The following IGFL2 variants were observed in gnomAD, a reference collection of about 807,000 sequenced individuals.
The protein encoded by IGFL2 is IGF like family member 2, also known as insulin growth factor-like family member 2.
In IGFL2, 7 loss-of-function variants were observed where a neutral mutation model predicts 13.9. The observed-to-expected ratio is 0.51, with a 90% CI of 0.29 to 0.95. The LOEUF (loss-of-function observed/expected upper bound fraction) is 0.95, where lower values mean the gene tolerates loss of function less well. Ranked by LOEUF, IGFL2 falls within the 40% of genes least tolerant of loss-of-function variation. The pLI, the probability that IGFL2 is intolerant of heterozygous loss-of-function variation, is 0.08. For synonymous variants in IGFL2, 55 were observed against 55.8 expected (o/e 0.99, Z 0.07); for missense variants, 138 against 147.8 (o/e 0.93, Z 0.34).
upstream of IGFL2, among the ~76,000 whole-genome samples, chr19:46,145,039 T>C (rs755070029): frequency 3.9e-5 from 6 of 152,190 alleles, no homozygotes; most frequent in African/African-American, 1.2e-4. Context: ...TTGATAGATA[T>C]TTGAGTTGTT....
the IGFL2 span, among the ~76,000 whole-genome samples, chr19:46,121,164 G>GC: frequency 2.0e-5 from 3 of 149,886 alleles, no homozygotes; most frequent in Non-Finnish European, 2.9e-5. Flanking sequence ...AATTGCTTGA[G>GC]CTCAGGGGTT....
rs750505405 is a variant in IGFL2, at chr19:46,160,647, C to T, written c.107C>T (p.Pro36Leu). 33 of 1,613,864 alleles carry T rather than the reference C, an allele frequency of 2.0e-5. No individual in the cohort carries two copies. Among genetic ancestry groups the T allele is most frequent in the South Asian group, 1.3e-4 (12 of 91,076 alleles). The change falls in exon 3 of 4, where the codon CCG becomes CTG. Residue 36 changes from proline (P) to leucine (L), a missense_variant. Coordinates refer to ENST00000377693, the MANE Select transcript of IGFL2 (RefSeq NM_001135113.2). ...PAGSEPWLCQ[P>L]APRCGDKIYN... ...GGCTCAGAACCATGGCTGTGCCAGC[C>T]GGCACCCAGGTGTGGAGACAAGATC...
chr19:46,084,607 C>T, the IGFL2 span, among the ~76,000 whole-genome samples: 462 of 152,270 alleles, frequency 3.0e-3, 2 homozygotes, highest in Middle Eastern at 0.01. Context: ...GAGGAGGCCT[C>T]AGGAAGCTTA....
chr19:46,148,176 G>A, upstream of IGFL2: 1 of 1,032,918 alleles, frequency 9.7e-7, no homozygotes, highest in Non-Finnish European at 1.4e-6. Context: ...GTGCTTCTGG[G>A]CACCTCCCTA....
the IGFL2 span, among the ~76,000 whole-genome samples, chr19:46,104,514 A>G: frequency 6.6e-6 from 1 of 152,194 alleles, no homozygotes; most frequent in Admixed American, 6.5e-5. Context: ...GTCTGGAAAA[A>G]GGGAAGAAAT....
the IGFL2 span, among the ~76,000 whole-genome samples, chr19:46,183,440 C>T: frequency 6.6e-6 from 1 of 151,988 alleles, no homozygotes; most frequent in Non-Finnish European, 1.5e-5. Flanking sequence ...TCTTTCTTCT[C>T]TCTCCCAGGC....
At chr19:46,211,362 T>G in the IGFL2 span, among the ~76,000 whole-genome samples, 2 of 152,218 alleles carry the variant, frequency 1.3e-5, no homozygotes, top group Non-Finnish European at 1.5e-5. Context: ...GACAGGCCTC[T>G]GGCCTGGGGA....
the IGFL2 span, among the ~76,000 whole-genome samples, chr19:46,131,671 G>C: frequency 2.6e-5 from 4 of 152,134 alleles, no homozygotes; most frequent in Non-Finnish European, 4.4e-5. Flanking sequence ...CCCCTTCTTG[G>C]CTCATGCCTG....
chr19:46,088,093 A>G, the IGFL2 span, among the ~76,000 whole-genome samples: 1 of 152,198 alleles, frequency 6.6e-6, no homozygotes, highest in Admixed American at 6.5e-5. Context: ...CCATTCGCCC[A>G]GTTGATTCTG....
chr19:46,086,417 G>A, the IGFL2 span, among the ~76,000 whole-genome samples: 11 of 151,912 alleles, frequency 7.2e-5, no homozygotes, highest in Non-Finnish European at 1.3e-4. Context: ...TCCTTCTCCT[G>A]TGTTCAAGAA....
the IGFL2 span, among the ~76,000 whole-genome samples, chr19:46,090,890 G>A: frequency 1.3e-5 from 2 of 152,196 alleles, no homozygotes; most frequent in African/African-American, 4.8e-5. Context: ...GGGTTTTACT[G>A]TGGAAGATCC....
the IGFL2 span, among the ~76,000 whole-genome samples, chr19:46,118,438 G>A: frequency 6.6e-6 from 1 of 152,232 alleles, no homozygotes; most frequent in Admixed American, 6.5e-5. Flanking sequence ...CCTGGAATGT[G>A]TGGGGAAGCA....
the IGFL2 span, among the ~76,000 whole-genome samples, chr19:46,117,716 T>C: frequency 1.3e-5 from 2 of 152,190 alleles, no homozygotes; most frequent in African/African-American, 4.8e-5. Context: ...CTTGACCTCG[T>C]GATCCACCCA....
chr19:46,155,492 A>G (rs376871518), intron 1 of IGFL2, among the ~76,000 whole-genome samples: 2 of 152,314 alleles, frequency 1.3e-5, no homozygotes, highest in East Asian at 3.9e-4. Flanking sequence ...TATTTGCTGT[A>G]TGCCCTTAGG....
At chr19:46,192,581 G>A in the IGFL2 span, among the ~76,000 whole-genome samples, 1 of 151,704 alleles carries the variant, frequency 6.6e-6, no homozygotes, top group East Asian at 2.0e-4. Context: ...CACCATGCCG[G>A]GCTAACTTTT....
chr19:46,187,375 G>T, the IGFL2 span, among the ~76,000 whole-genome samples: 1 of 150,130 alleles, frequency 6.7e-6, no homozygotes, highest in African/African-American at 2.5e-5. Context: ...AGGTTGTGCT[G>T]CTGGTGTGTG....
the IGFL2 span, chr19:46,196,247 G>A: frequency 2.7e-5 from 7 of 255,868 alleles, no homozygotes; most frequent in Non-Finnish European, 3.3e-5. Flanking sequence ...CATGGCTCCC[G>A]AGGCCACATC....
At chr19:46,124,737 C>T in the IGFL2 span, 5 of 1,162,812 alleles carry the variant, frequency 4.3e-6, no homozygotes, top group Admixed American at 5.2e-5. Flanking sequence ...GTCTGTTAAC[C>T]TGGTAAGTTT....
At chr19:46,091,162 A>G in the IGFL2 span, among the ~76,000 whole-genome samples, 6 of 152,192 alleles carry the variant, frequency 3.9e-5, no homozygotes, top group South Asian at 2.1e-4. Context: ...CGTGTGGGCA[A>G]TGATTACTAG....
Sources: allele counts gnomAD v4.1 joint callset (sites outside exome capture counted in the v4.1 genomes callset), GRCh38; gene constraint gnomAD v4.1.1; transcripts MANE v1.5; gene names NCBI Gene and HGNC (gene_info 2026-07-23, HGNC 2026-07-21).